The following SRR variants were observed in gnomAD, a reference collection of about 807,000 sequenced individuals.
The protein encoded by SRR is D-serine ammonia-lyase.
In SRR, 19 loss-of-function variants were observed where a neutral mutation model predicts 32.7. The observed-to-expected ratio is 0.58, with a 90% confidence interval of 0.40 to 0.85. The LOEUF (loss-of-function observed/expected upper bound fraction) is 0.85, where lower values mean the gene tolerates loss of function less well. SRR is among the 40% of genes least tolerant of loss of function. The probability of loss-of-function intolerance (pLI) is 0.00; values close to 1 mark genes in which losing one functional copy is unlikely to be tolerated. For synonymous variants in SRR, 142 were observed against 140.9 expected, an observed-to-expected ratio of 1.01 and a Z score of -0.06; for missense variants, 373 against 404.7, an observed-to-expected ratio of 0.92 and a Z score of 0.67.
rs2075352108 is a variant in SRR, at chr17:2,303,968, G to A, written c.-54G>A. 7.9e-6 allele frequency: 3 copies of A among 379,252 alleles called. No homozygotes were observed. Among genetic ancestry groups the A allele is most frequent in the South Asian group, 6.3e-5 (1 of 15,936 alleles). The allele number at this position is 379,252 out of a possible 1,614,324, so 23.5% of individuals were successfully genotyped here. On this transcript the variant is annotated 5_prime_UTR_variant, in exon 1 of 8. Coordinates refer to ENST00000344595, the MANE Select transcript of SRR (RefSeq NM_021947.3). Reference sequence around the variant, plus strand: ...GCTGCGCGTGCGCAGAGGTGCGGCCGGGGAGGCGCGCGGAGGCTGGAGCTG... The same window carrying A: ...GCTGCGCGTGCGCAGAGGTGCGGCCAGGGAGGCGCGCGGAGGCTGGAGCTG...
intron 4 of SRR, among the ~76,000 whole-genome samples, chr17:2,320,093 C>A (rs2075513250): frequency 6.6e-6 from 1 of 151,888 alleles, no homozygotes; most frequent in African/African-American, 2.4e-5. Flanking sequence ...GCTGGGATTA[C>A]AGGCGTGAGC....
In SRR at chr17:2,323,161, A is replaced by G. The variant is rs754179577; in HGVS notation, c.620A>G (p.Tyr207Cys). 8 of 1,614,092 alleles carry G rather than the reference A, an allele frequency of 5.0e-6. No homozygotes were observed. The Admixed American group carries it at 1.0e-4, about 20-fold the overall frequency. ...VKALKPSVKV[Y>C]AAEPSNADDC... ...GCTCTGAAACCTAGTGTGAAGGTAT[A>G]TGCTGCTGAACCCTCAAATGCAGAT... Residue 207 changes from tyrosine to cysteine, a missense_variant, in exon 7 of 8, where the codon TAT becomes TGT. Tyr to Cys is a radical substitution (Grantham distance 194). Transcript: ENST00000344595.
Position 2,321,550 on chromosome 17 carries a change from G to C in SRR, c.528G>C (p.Leu176Phe), listed in dbSNP as rs1156412594. 1.8e-5 allele frequency: 29 copies of C among 1,613,910 alleles called. No individual in the cohort carries two copies. Among genetic ancestry groups the C allele is most frequent in the African/African-American group, 2.7e-5 (2 of 74,916 alleles). ...IALEVLNQVP[L>F]VDALVVPVGG... Reference sequence around the variant, plus strand: ...TTATATTTTCACTAAAGGTTCCTTTGGTGGATGCACTGGTGGTACCTGTAG... The same window carrying C: ...TTATATTTTCACTAAAGGTTCCTTTCGTGGATGCACTGGTGGTACCTGTAG... The change falls in exon 6 of 8, where the codon TTG becomes TTC. Residue 176 changes from leucine (L) to phenylalanine (F), a missense_variant. Coordinates refer to ENST00000344595, the MANE Select transcript of SRR (RefSeq NM_021947.3).
At chr17:2,305,631 G>A (rs879623406) in intron 1 of SRR, among the ~76,000 whole-genome samples, 2 of 152,110 alleles carry the variant, frequency 1.3e-5, no homozygotes, top group African/African-American at 4.8e-5. Flanking sequence ...GAAATACCAG[G>A]TAAAAAGAAA....
At chr17:2,303,587 G>A (rs770588711), upstream of SRR, 3 of 1,376,548 alleles carry the variant, frequency 2.2e-6, no homozygotes, top group Non-Finnish European at 2.8e-6. Context: ...AGGAGAGGGA[G>A]GCGGGGCGGG....
At position 2,304,099 on chromosome 17, in the gene SRR, C is replaced by A. The variant is rs574656672; in HGVS notation, c.-5+82C>A. ...TTGCTGTTGTCGTGGACACCAAGGA[C>A]ACTGCTAGTCTGGGACTCGGGTTGA... On this transcript the variant is annotated intron_variant, in intron 1 of 7. Transcript: ENST00000344595. 5.1e-4 allele frequency: 90 copies of A among 175,348 alleles called. 1 individual carries two copies. In the South Asian group the frequency reaches 0.014, roughly 28 times the overall value. 10.9% of individuals were successfully genotyped at this position (175,348 alleles called of 1,614,324 possible). A position where few individuals can be genotyped will look rare whatever the true frequency, so the allele number is the denominator to read the frequency against.
chr17:2,322,900 G>T, intron 6 of SRR: 1 of 470,908 alleles, frequency 2.1e-6, no homozygotes, highest in Non-Finnish European at 3.9e-6. Flanking sequence ...GAGTAGCTGG[G>T]ATTACAGGGG....
In SRR at chr17:2,321,569, C is replaced by A. The variant is rs1229917356; in HGVS notation, c.547C>A (p.Pro183Thr). ...TCCTTTGGTGGATGCACTGGTGGTA[C>A]CTGTAGGTGGAGGAGGAATGCTTGC... is the stretch of plus-strand genomic sequence containing the variant. The part of the protein sequence containing the change: ...QVPLVDALVV[P>T]VGGGGMLAGI... The change falls in exon 6 of 8, where the codon CCT becomes ACT. Residue 183 changes from proline (P) to threonine (T), a missense_variant. Physicochemically the swap from Pro to Thr is conservative, Grantham distance 38. Transcript: ENST00000344595. 6.2e-7 allele frequency: 1 copy of A among 1,613,974 alleles called. No homozygotes were observed. Among genetic ancestry groups the A allele is most frequent in the East Asian group, 2.2e-5 (1 of 44,894 alleles).
At chr17:2,313,233 T>C (rs1400257935) in intron 1 of SRR, among the ~76,000 whole-genome samples, 4 of 149,700 alleles carry the variant, frequency 2.7e-5, no homozygotes, top group Non-Finnish European at 5.9e-5. Flanking sequence ...AGTTCGAGAC[T>C]AGCCTGGCCA....
At chr17:2,303,640 C>T (rs1597252267), upstream of SRR, 1 of 1,485,752 alleles carries the variant, frequency 6.7e-7, no homozygotes, top group Non-Finnish European at 8.9e-7. Flanking sequence ...CACCTCTGCT[C>T]CCGGCCTGCG....
intron 1 of SRR, chr17:2,307,008 T>G (rs1597256855): frequency 7.2e-7 from 1 of 1,386,370 alleles, no homozygotes; most frequent in East Asian, 2.3e-5. Context: ...ATGGAAGAGT[T>G]GTGGAACCAA....
chr17:2,307,196 G>A, intron 1 of SRR: 2 of 1,362,844 alleles, frequency 1.5e-6, no homozygotes, highest in Non-Finnish European at 2.1e-6. Context: ...GGCAAGAAAA[G>A]GGGCTTTGCC....
intron 1 of SRR, among the ~76,000 whole-genome samples, chr17:2,308,241 A>G (rs2075407681): frequency 6.6e-6 from 1 of 152,166 alleles, no homozygotes; most frequent in South Asian, 2.1e-4. Context: ...TTAAAGTGAA[A>G]ATTAGTAAGC....
rs756900228 is a variant in SRR, at chr17:2,323,980, T to C, written c.*107T>C. 8.6e-6 allele frequency: 10 copies of C among 1,168,038 alleles called. No individual in the cohort carries two copies. Among genetic ancestry groups the C allele is most frequent in the Non-Finnish European group, 1.2e-5 (10 of 831,994 alleles). The allele number at this position is 1,168,038 out of a possible 1,614,324, so 72.4% of individuals were successfully genotyped here. A position where few individuals can be genotyped will look rare whatever the true frequency, so the allele number is the denominator to read the frequency against. On this transcript the variant is annotated 3_prime_UTR_variant, in exon 8 of 8. Transcript: ENST00000344595. The stretch of plus-strand genomic sequence containing the variant: ...TATCAGATTCTTAATGGAGAGTGGC[T>C]ATTTCATTAAGATTTAATAGTTTTT...
At position 2,318,852 on chromosome 17, in the gene SRR, C is replaced by T; in HGVS notation, c.322C>T (p.Gln108Ter). The T allele has an allele frequency of 6.2e-7, 1 of 1,613,678 alleles. No individual in the cohort carries two copies. The highest frequency in any genetic ancestry group is 1.1e-5 in the South Asian group (1 of 91,056). Residue 108 changes from glutamine (Q) to a stop codon, truncating the protein, a stop_gained, in exon 4 of 8, where the codon CAG (glutamine) becomes TAG (stop). Coordinates refer to ENST00000344595, the MANE Select transcript of SRR (RefSeq NM_021947.3). LOFTEE classifies it high-confidence loss of function. ...AATTCCTGCTTATATTGTGGTGCCC[C>T]AGACAGCTCCAGACTGTAAAAAACT... is the stretch of plus-strand genomic sequence containing the variant. The part of the protein sequence containing the change: ...EGIPAYIVVP[Q>*]TAPDCKKLAI...
upstream of SRR, chr17:2,303,884 C>G: frequency 1.8e-6 from 1 of 550,722 alleles, no homozygotes; most frequent in Non-Finnish European, 3.0e-6. Flanking sequence ...AGGAAAAGCG[C>G]CCGCCGCCGG....
chr17:2,322,971 G>C (rs916344644), intron 6 of SRR, 165 bp from the exon 7 acceptor site: 27 of 632,330 alleles, frequency 4.3e-5, no homozygotes, highest in Non-Finnish European at 6.3e-5. Flanking sequence ...CACCAGGTTG[G>C]CCAGGCTGGT....
intron 1 of SRR, among the ~76,000 whole-genome samples, chr17:2,312,343 C>T (rs2075439283): frequency 6.6e-6 from 1 of 152,144 alleles, no homozygotes; most frequent in African/African-American, 2.4e-5. Flanking sequence ...CACCTGTAAT[C>T]TCAGCACTTT....
In SRR at chr17:2,323,334, G is replaced by A. The variant is rs1334067078; in HGVS notation, c.793G>A (p.Asp265Asn). ...LVDDIFTVTE[D>N]EIKCATQLVW... ...GGATGATATCTTCACTGTCACAGAG[G>A]ATGAAATTAAGGTGAGGCTCCAGCA... is the stretch of plus-strand genomic sequence containing the variant. The change falls in exon 7 of 8, where the codon GAT becomes AAT. Residue 265 changes from aspartate to asparagine, a missense_variant. Asp to Asn is a conservative substitution (Grantham distance 23, BLOSUM62 1). Coordinates refer to ENST00000344595, the MANE Select transcript of SRR (RefSeq NM_021947.3). The A allele has an allele frequency of 6.2e-7, 1 of 1,613,860 alleles. No individual in the cohort carries two copies. The highest frequency in any genetic ancestry group is 8.5e-7 in the Non-Finnish European group (1 of 1,179,880).
Sources: gnomAD v4.1 joint callset for allele counts (sites outside exome capture counted in the v4.1 genomes callset) on GRCh38, gnomAD v4.1.1 for gene constraint, MANE v1.5 for transcripts, NCBI Gene and HGNC (gene_info 2026-07-23, HGNC 2026-07-21) for gene names.